HOGA1: variants seen among roughly 807,000 people sequenced by gnomAD.
HOGA1 encodes the protein 4-hydroxy-2-oxoglutarate aldolase 1.
HOGA1 carries 30 observed loss-of-function variants against 34.3 expected under a neutral mutation model. The ratio of observed to expected loss-of-function variants is 0.87; its 90% CI spans 0.65 to 1.19. The LOEUF (loss-of-function observed/expected upper bound fraction) is 1.19, where lower values mean the gene tolerates loss of function less well. HOGA1 is among the 50% of genes most tolerant of loss of function. HOGA1 has a pLI of 0.00. For synonymous variants in HOGA1, 161 were observed against 174.0 expected (o/e 0.93, Z 0.59); for missense variants, 417 against 436.5 (o/e 0.96, Z 0.40).
At chr10:97,596,184 GTC>G (rs1207580045) in intron 1 of HOGA1, among the ~76,000 whole-genome samples, 1 of 152,208 alleles carries the variant, frequency 6.6e-6, no homozygotes, top group African/African-American at 2.4e-5. Context: ...TCAGGCATGA[GTC>G]AGTTGCCCCC....
At chr10:97,609,044 G>A (rs912015089) in intron 6 of HOGA1, among the ~76,000 whole-genome samples, 1 of 152,200 alleles carries the variant, frequency 6.6e-6, no homozygotes, top group African/African-American at 2.4e-5. Flanking sequence ...CAGCTGAGGA[G>A]GTAAATCTGA....
In HOGA1 at chr10:97,598,882, C is replaced by T. The variant is rs2041092568; in HGVS notation, c.319C>T (p.Leu107=). The T allele has an allele frequency of 3.7e-6, 6 of 1,613,972 alleles. No homozygotes were observed. The highest frequency in any genetic ancestry group is 5.1e-6 in the Non-Finnish European group (6 of 1,180,028). Residue 107 remains leucine, a synonymous_variant, in exon 2 of 7, where the codon CTA becomes TTA. Transcript: ENST00000370646. ...RQAMPKNRLL[L]AGSGCESTQA... ...GGCCATGCCCAAGAACAGGCTCCTG[C>T]TAGCTGGCTCCGGATGCGAGTGTGA...
intron 1 of HOGA1, among the ~76,000 whole-genome samples, chr10:97,587,795 C>T (rs913580064): frequency 6.6e-6 from 1 of 151,836 alleles, no homozygotes; most frequent in Non-Finnish European, 1.5e-5. Context: ...CGTGAGCCAC[C>T]GCGCTGGGCC....
At position 97,609,156 on chromosome 10, in the gene HOGA1, C is replaced by T. The variant is rs773265702; in HGVS notation, c.835-2354C>T. On this transcript the variant is annotated intron_variant, in intron 6 of 6. Coordinates refer to ENST00000370646, the MANE Select transcript of HOGA1 (RefSeq NM_138413.4). ...CCCGTTGGGCACAGGCCGTCCTGCA[C>T]ATACTGAACATTCCACTGGGGTGGG... Among the ~76,000 whole-genome samples, 4 of 152,290 alleles carry T rather than the reference C, an allele frequency of 2.6e-5. No individual in the cohort carries two copies. In the East Asian group the frequency reaches 7.7e-4, roughly 29 times the overall value.
At chr10:97,586,457 G>A (rs1052424316) in intron 1 of HOGA1, among the ~76,000 whole-genome samples, 1 of 152,246 alleles carries the variant, frequency 6.6e-6, no homozygotes, top group African/African-American at 2.4e-5. Context: ...CTTCCTTGGG[G>A]ACAATGAATG....
chr10:97,605,219 C>T (rs1419779465), intron 6 of HOGA1, among the ~76,000 whole-genome samples: 7 of 151,802 alleles, frequency 4.6e-5, no homozygotes, highest in Admixed American at 3.9e-4. Context: ...GACCAGCCTG[C>T]GCAACATGGG....
chr10:97,589,235 C>A (rs894704780), intron 1 of HOGA1, among the ~76,000 whole-genome samples: 3 of 151,986 alleles, frequency 2.0e-5, no homozygotes, highest in African/African-American at 7.3e-5. Context: ...GAACTCTGCC[C>A]TGTAGTGAGG....
intron 6 of HOGA1, among the ~76,000 whole-genome samples, chr10:97,605,393 A>C (rs1385951307): frequency 6.7e-6 from 1 of 149,778 alleles, no homozygotes; most frequent in Non-Finnish European, 1.5e-5. Flanking sequence ...CCTGGGCTAC[A>C]GAGTGAGATC....
intron 1 of HOGA1, among the ~76,000 whole-genome samples, chr10:97,586,262 G>C (rs764493569): frequency 3.3e-5 from 5 of 152,188 alleles, no homozygotes; most frequent in Admixed American, 6.5e-5. Flanking sequence ...AAAAATCTGA[G>C]AGAATGCAAG....
intron 5 of HOGA1, 117 bp from the exon 6 acceptor site, chr10:97,601,740 C>G: frequency 4.8e-6 from 6 of 1,242,778 alleles, no homozygotes; most frequent in Non-Finnish European, 7.0e-6. Context: ...TGTAGCCAGC[C>G]AAGTGACATA....
At chr10:97,597,107 A>ATT (rs757896641) in intron 1 of HOGA1, among the ~76,000 whole-genome samples, 31 of 139,170 alleles carry the variant, frequency 2.2e-4, no homozygotes, top group Middle Eastern at 3.7e-3. Context: ...ATAGCCTCCA[A>ATT]TTTTTTTTTT....
intron 6 of HOGA1, chr10:97,602,322 C>G (rs999687669): frequency 8.0e-7 from 1 of 1,254,094 alleles, no homozygotes; most frequent in African/African-American, 1.5e-5. Flanking sequence ...CTTAGAGATG[C>G]CTGGAGAGAA....
At chr10:97,589,245 G>A (rs2135714294) in intron 1 of HOGA1, among the ~76,000 whole-genome samples, 1 of 152,080 alleles carries the variant, frequency 6.6e-6, no homozygotes, top group South Asian at 2.1e-4. Flanking sequence ...CTGTAGTGAG[G>A]CGAGGGGCTG....
At chr10:97,602,262 A>G in intron 6 of HOGA1, 30 of 1,427,730 alleles carry the variant, frequency 2.1e-5, no homozygotes, top group Middle Eastern at 2.0e-4. Flanking sequence ...AAGAAGATGC[A>G]TTGAAACAAA....
chr10:97,586,991 A>AC (rs2040976170), intron 1 of HOGA1, among the ~76,000 whole-genome samples: 1 of 152,038 alleles, frequency 6.6e-6, no homozygotes, highest in Admixed American at 6.5e-5. Flanking sequence ...AAACCACTTA[A>AC]CCTTTCAAAT....
At chr10:97,610,627 A>G (rs1018549602) in intron 6 of HOGA1, among the ~76,000 whole-genome samples, 7 of 152,170 alleles carry the variant, frequency 4.6e-5, no homozygotes, top group African/African-American at 1.4e-4. Flanking sequence ...TCTACTAAAA[A>G]TACAAAAATA....
chr10:97,596,362 T>G (rs1434265200), intron 1 of HOGA1, among the ~76,000 whole-genome samples: 1 of 152,188 alleles, frequency 6.6e-6, no homozygotes, highest in Admixed American at 6.5e-5. Context: ...AGGGTGATGG[T>G]GGCTGAATCA....
At chr10:97,591,817 TTGTGTG>T (rs56742680) in intron 1 of HOGA1, among the ~76,000 whole-genome samples, 1,266 of 111,056 alleles carry the variant, frequency 0.011, 14 homozygotes, top group Middle Eastern at 0.015. Flanking sequence ...TTCTTTCATT[TTGTGTG>T]TGTGTGTGTG....
rs754404049 is a variant in HOGA1, at chr10:97,590,312, C to T, written c.211+5398C>T. Reference sequence around the variant, plus strand: ...CACCAAGGAGATTGACACCCAGGGGCGGCACCTGGCTCACTCCATGCTGCA... The same window carrying T: ...CACCAAGGAGATTGACACCCAGGGGTGGCACCTGGCTCACTCCATGCTGCA... On this transcript the variant is annotated intron_variant, in intron 1 of 6. Transcript: ENST00000370646. 1.3e-5 allele frequency: 21 copies of T among 1,613,648 alleles called. No individual in the cohort carries two copies. In the East Asian group the frequency reaches 2.0e-4, roughly 15 times the overall value.
Sources: gnomAD v4.1 joint callset for allele counts (sites outside exome capture counted in the v4.1 genomes callset) on GRCh38, gnomAD v4.1.1 for gene constraint, MANE v1.5 for transcripts, NCBI Gene and HGNC (gene_info 2026-07-23, HGNC 2026-07-21) for gene names.